The following PLD6 variants were observed in gnomAD, a reference collection of about 807,000 sequenced individuals.
PLD6 encodes phospholipase D family member 6.
Under a neutral mutation model 9.7 loss-of-function variants are expected in PLD6, and 10 were observed. The ratio of observed to expected loss-of-function variants is 1.03; its 90% CI spans 0.64 to 1.75. PLD6 has a LOEUF of 1.75. Ranked by LOEUF, PLD6 falls within the 40% of genes most tolerant of loss-of-function variation. The pLI is 0.00. For synonymous variants in PLD6, 152 were observed against 159.2 expected (o/e 0.96, Z 0.34); for missense variants, 334 against 347.6 (o/e 0.96, Z 0.31).
In PLD6 at chr17:17,201,227, A is replaced by G. The variant is rs1160194021; in HGVS notation, c.*1540T>C. 1.3e-5 allele frequency: 2 copies of G among 152,276 alleles called. No homozygotes were observed. Among genetic ancestry groups the G allele is most frequent in the East Asian group, 3.8e-4 (2 of 5,200 alleles). The allele number at this position is 152,276 out of a possible 1,614,324, so 9.4% of individuals were successfully genotyped here. Reference sequence around the variant, plus strand: ...GCTGGCTTGCCTAACACTGTGAGTCAAAAGTAACCCTAAAAAGGAAAAACA... The same window carrying G: ...GCTGGCTTGCCTAACACTGTGAGTCGAAAGTAACCCTAAAAAGGAAAAACA... On this transcript the variant is annotated 3_prime_UTR_variant, in exon 2 of 2. Coordinates refer to ENST00000321560, the MANE Select transcript of PLD6 (RefSeq NM_178836.4).
chr17:17,203,626 C>G (rs1190980902), intron 1 of PLD6, among the ~76,000 whole-genome samples: 1 of 152,222 alleles, frequency 6.6e-6, no homozygotes, highest in South Asian at 2.1e-4. Flanking sequence ...TCCGCACCCC[C>G]CTGCTTCCTT....
rs2144783496 is a variant in PLD6 at position 17,205,943 on chromosome 17, T to C, written c.344A>G (p.Gln115Arg). 1.3e-6 allele frequency: 2 copies of C among 1,563,416 alleles called. No individual in the cohort carries two copies. Among genetic ancestry groups the C allele is most frequent in the Non-Finnish European group, 8.7e-7 (1 of 1,155,054 alleles). Residue 115 changes from glutamine (Q) to arginine (R), a missense_variant, in exon 1 of 2, where the codon CAG (glutamine) becomes CGG (arginine). Physicochemically the swap from Gln to Arg is conservative, Grantham distance 43. Coordinates refer to ENST00000321560, the MANE Select transcript of PLD6 (RefSeq NM_178836.4). ...GACGACCCGCACTCGCACCCCACGC[T>C]GGTGCAGCAACTGCACGGCGCGGCC... is the stretch of plus-strand genomic sequence containing the variant. ...QLGRAVQLLH[Q>R]RGVRVRVVTD... is the part of the protein sequence containing the mutation.
Position 17,202,205 on chromosome 17 carries a change from C to T in PLD6, c.*562G>A, listed in dbSNP as rs915717435. ...TGGCAATGACGCTCACGGGGTTGCC[C>T]CGAAGGCTGCTTTTGCCACCCGCAC... On this transcript the variant is annotated 3_prime_UTR_variant, in exon 2 of 2. Coordinates refer to ENST00000321560, the MANE Select transcript of PLD6 (RefSeq NM_178836.4). The T allele has an allele frequency of 1.3e-5, 2 of 156,670 alleles. No individual in the cohort carries two copies. Among genetic ancestry groups the T allele is most frequent in the African/African-American group, 4.8e-5 (2 of 41,456 alleles). 9.7% of individuals were successfully genotyped at this position (156,670 alleles called of 1,614,324 possible).
Position 17,201,503 on chromosome 17 carries a change from A to G in PLD6, c.*1264T>C, listed in dbSNP as rs907118191. The G allele has an allele frequency of 6.6e-6, 1 of 152,286 alleles. No homozygotes were observed. Among genetic ancestry groups the G allele is most frequent in the African/African-American group, 2.4e-5 (1 of 41,458 alleles). The allele number at this position is 152,286 out of a possible 1,614,324, so 9.4% of individuals were successfully genotyped here. On this transcript the variant is annotated 3_prime_UTR_variant, in exon 2 of 2. Coordinates refer to ENST00000321560, the MANE Select transcript of PLD6 (RefSeq NM_178836.4). ...TGGGAATGCAAACCCTGAGCTGCAA[A>G]TAAGAACACAGACGTGGGAGACACC...
intron 1 of PLD6, 145 bp from the exon 2 acceptor site, chr17:17,203,243 A>G (rs1393159544): frequency 7.2e-6 from 6 of 835,308 alleles, no homozygotes; most frequent in Non-Finnish European, 9.1e-6. Context: ...GGTGGCGGCT[A>G]AGCTCCCAGG....
Position 17,203,042 on chromosome 17 carries a change from C to T in PLD6, c.484G>A (p.Val162Met), listed in dbSNP as rs1445616008. ...PGYMHHKFAI[V>M]DKRVLITGSL... ...CCAGTGATGAGCACCCTCTTGTCCA[C>T]GATGGCAAACTTGTGATGCATGTAG... The change falls in exon 2 of 2, where the codon GTG (valine) becomes ATG (methionine). Residue 162 changes from valine to methionine, a missense_variant. Transcript: ENST00000321560. 1.8e-5 allele frequency: 29 copies of T among 1,614,090 alleles called. No individual in the cohort carries two copies. The highest frequency in any genetic ancestry group is 4.0e-5 in the African/African-American group (3 of 74,938).
At chr17:17,203,359 G>A (rs564880519) in intron 1 of PLD6, among the ~76,000 whole-genome samples, 9 of 152,284 alleles carry the variant, frequency 5.9e-5, no homozygotes, top group East Asian at 1.9e-4. Flanking sequence ...CCACACCTCC[G>A]AGTCTATGCC....
rs775387918 is a variant in PLD6 at position 17,202,891 on chromosome 17, G to A, written c.635C>T (p.Thr212Ile). ...FERIWEQFNP[T>I]KYTFFPPKKS... ...CTTTGGTGGGAAAAAGGTATACTTTGTAGGGTTAAACTGTTCCCAGATGCG... is the reference window on the plus strand; with the variant it reads ...CTTTGGTGGGAAAAAGGTATACTTTATAGGGTTAAACTGTTCCCAGATGCG... The change falls in exon 2 of 2, where the codon ACA becomes ATA. Residue 212 changes from threonine (T) to isoleucine (I), a missense_variant. Thr to Ile is a moderately conservative substitution (Grantham distance 89). Transcript: ENST00000321560. 1 of 1,614,196 alleles carries A rather than the reference G, an allele frequency of 6.2e-7. No homozygotes were observed. Among genetic ancestry groups the A allele is most frequent in the South Asian group, 1.1e-5 (1 of 91,088 alleles).
chr17:17,203,160 C>G (rs968490076), intron 1 of PLD6, 62 bp from the exon 2 acceptor site: 9 of 1,495,074 alleles, frequency 6.0e-6, no homozygotes, highest in South Asian at 1.2e-5. Flanking sequence ...GTGGACTGTT[C>G]CTGGGGGCTA....
intron 1 of PLD6, among the ~76,000 whole-genome samples, chr17:17,205,009 C>T (rs556138478): frequency 6.6e-6 from 1 of 152,286 alleles, no homozygotes; most frequent in Admixed American, 6.5e-5. Flanking sequence ...TCACTGCGAC[C>T]ACCAGTATTA....
intron 1 of PLD6, 113 bp downstream of exon 1, chr17:17,205,747 G>A: frequency 8.0e-7 from 1 of 1,247,490 alleles, no homozygotes; most frequent in Non-Finnish European, 1.1e-6. Context: ...CACGAGGAAA[G>A]TAAATGAGGC....
At chr17:17,203,725 C>T (rs1597561766) in intron 1 of PLD6, among the ~76,000 whole-genome samples, 1 of 152,222 alleles carries the variant, frequency 6.6e-6, no homozygotes, top group East Asian at 1.9e-4. Context: ...CCTGGAATAA[C>T]ACTGCCTCAC....
chr17:17,203,159 T>C, intron 1 of PLD6, 61 bp from the exon 2 acceptor site: 2 of 1,498,624 alleles, frequency 1.3e-6, no homozygotes, highest in Non-Finnish European at 1.8e-6. Context: ...TGTGGACTGT[T>C]CCTGGGGGCT....
At position 17,202,524 on chromosome 17, in the gene PLD6, C is replaced by T; in HGVS notation, c.*243G>A. On this transcript the variant is annotated 3_prime_UTR_variant, in exon 2 of 2. Transcript: ENST00000321560. ...TTCGATTCCAAACCAAGATACGGAC[C>T]ACACTCATGAAAGCACCCCGTGGCA... is the stretch of plus-strand genomic sequence containing the variant. 1.9e-6 allele frequency: 1 copy of T among 530,630 alleles called. No individual in the cohort carries two copies. Among genetic ancestry groups the T allele is most frequent in the Non-Finnish European group, 3.4e-6 (1 of 295,982 alleles). The allele number at this position is 530,630 out of a possible 1,614,324, so 32.9% of individuals were successfully genotyped here.
chr17:17,204,260 C>G (rs2046699025), intron 1 of PLD6: 1 of 152,478 alleles, frequency 6.6e-6, no homozygotes, highest in African/African-American at 2.4e-5. Context: ...GACTGTGCTG[C>G]TGCCCCTTCC....
At position 17,202,659 on chromosome 17, in the gene PLD6, A is replaced by C; in HGVS notation, c.*108T>G. Reference sequence around the variant, plus strand: ...TTCCTAACCTTCTTTAGTTCAATTTAGTATTCTAATAGACGAGACTTTAGT... The same window carrying C: ...TTCCTAACCTTCTTTAGTTCAATTTCGTATTCTAATAGACGAGACTTTAGT... On this transcript the variant is annotated 3_prime_UTR_variant, in exon 2 of 2. Transcript: ENST00000321560. 9.4e-7 allele frequency: 1 copy of C among 1,068,290 alleles called. No individual in the cohort carries two copies. The highest frequency in any genetic ancestry group is 1.3e-6 in the Non-Finnish European group (1 of 740,748). The allele number at this position is 1,068,290 out of a possible 1,614,324, so 66.2% of individuals were successfully genotyped here.
In PLD6 at chr17:17,205,882, T is replaced by C. The variant is rs550349421; in HGVS notation, c.405A>G (p.Gln135=). 4 of 1,573,312 alleles carry C rather than the reference T, an allele frequency of 2.5e-6. No homozygotes were observed. The highest frequency in any genetic ancestry group is 1.7e-4 in the Middle Eastern group (1 of 6,018). The change falls in exon 1 of 2, where the codon CAA becomes CAG. Residue 135 remains glutamine (Q), a synonymous_variant. Transcript: ENST00000321560. ...DCDYMALNGS[Q]IGLLRKAGIQ... is the part of the protein sequence containing the mutation. Reference sequence around the variant, plus strand: ...TACCTGCCTTGCGCAGCAGACCGATTTGCGAGCCGTTGAGGGCCATGTAGT... The same window carrying C: ...TACCTGCCTTGCGCAGCAGACCGATCTGCGAGCCGTTGAGGGCCATGTAGT...
rs574769098 is a variant in PLD6 at position 17,201,073 on chromosome 17, A to G, written c.*1694T>C. ...GCTTCGCATTTAGGAGATGCTTTACAAGCTCTCCCATTTTCTTTTCAGAAC... is the reference window on the plus strand; with the variant it reads ...GCTTCGCATTTAGGAGATGCTTTACGAGCTCTCCCATTTTCTTTTCAGAAC... On this transcript the variant is annotated 3_prime_UTR_variant, in exon 2 of 2. Transcript: ENST00000321560. 6.6e-6 allele frequency: 1 copy of G among 152,390 alleles called. No homozygotes were observed. The highest frequency in any genetic ancestry group is 2.1e-4 in the South Asian group (1 of 4,832). The allele number at this position is 152,390 out of a possible 1,614,324, so 9.4% of individuals were successfully genotyped here.
At position 17,202,728 on chromosome 17, in the gene PLD6, G is replaced by T; in HGVS notation, c.*39C>A. On this transcript the variant is annotated 3_prime_UTR_variant, in exon 2 of 2. Coordinates refer to ENST00000321560, the MANE Select transcript of PLD6 (RefSeq NM_178836.4). Reference sequence around the variant, plus strand: ...TGCCGAGGTCTCCCTCCCTCAGAACGCACAGCAGCCCGCAGGGAGGGCTCA... The same window carrying T: ...TGCCGAGGTCTCCCTCCCTCAGAACTCACAGCAGCCCGCAGGGAGGGCTCA... 1 of 1,569,372 alleles carries T rather than the reference G, an allele frequency of 6.4e-7. No individual in the cohort carries two copies. Among genetic ancestry groups the T allele is most frequent in the South Asian group, 1.1e-5 (1 of 87,298 alleles).
Sources: gnomAD v4.1 joint callset for allele counts (sites outside exome capture counted in the v4.1 genomes callset) on GRCh38, gnomAD v4.1.1 for gene constraint, MANE v1.5 for transcripts, NCBI Gene and HGNC (gene_info 2026-07-23, HGNC 2026-07-21) for gene names.